The following EHD4 variants were observed in gnomAD, a reference collection of about 807,000 sequenced individuals.
EHD4 encodes the protein EH domain-containing protein 4.
A neutral mutation model predicts 51.0 loss-of-function variants in EHD4; 37 were observed. The ratio of observed to expected loss-of-function variants is 0.73; its 90% CI spans 0.56 to 0.95. The LOEUF (loss-of-function observed/expected upper bound fraction) is 0.95, where lower values mean the gene tolerates loss of function less well. Ranked by LOEUF, EHD4 falls within the 40% of genes least tolerant of loss-of-function variation. EHD4 has a pLI of 0.00. For synonymous variants in EHD4, 297 were observed against 317.3 expected, an observed-to-expected ratio of 0.94 and a Z score of 0.68; for missense variants, 632 against 733.1, an observed-to-expected ratio of 0.86 and a Z score of 1.59.
At chr15:41,915,086 A>G (rs1380136125) in intron 4 of EHD4, among the ~76,000 whole-genome samples, 3 of 55,990 alleles carry the variant, frequency 5.4e-5, no homozygotes, top group African/African-American at 7.3e-5. Flanking sequence ...AGTCTTGGAG[A>G]CACACACACA....
chr15:41,970,599 G>A (rs1439224229), intron 1 of EHD4, among the ~76,000 whole-genome samples: 1 of 152,210 alleles, frequency 6.6e-6, no homozygotes, highest in East Asian at 1.9e-4. Context: ...TAATCAGGCT[G>A]GCTAGCTATC....
At chr15:41,901,489 C>A (rs1282373016) in intron 5 of EHD4, among the ~76,000 whole-genome samples, 1 of 152,186 alleles carries the variant, frequency 6.6e-6, no homozygotes, top group Non-Finnish European at 1.5e-5. Context: ...AGTTAGTATT[C>A]TATTTCTCAA....
In EHD4 at chr15:41,900,732, G is replaced by A; in HGVS notation, c.1539C>T (p.Ile513=). ...TGGGCAGCTCGTAGCCGTCGAGCTT[G>A]ATCTTGATGAGGTGCTTGGCCAGCG... ...EFALAKHLIK[I]KLDGYELPSS... is the part of the protein sequence containing the mutation. Residue 513 remains isoleucine (I), a synonymous_variant, in exon 6 of 6, where the codon ATC becomes ATT. Coordinates refer to ENST00000220325, the MANE Select transcript of EHD4 (RefSeq NM_139265.4). This position sits in a 1 kb window ranked among gnomAD's most constrained non-coding sequence, Gnocchi z 4.8. 6.2e-7 allele frequency: 1 copy of A among 1,613,006 alleles called. No individual in the cohort carries two copies. The highest frequency in any genetic ancestry group is 1.6e-4 in the Middle Eastern group (1 of 6,062).
At chr15:41,911,949 A>AG (rs1474459460) in intron 4 of EHD4, among the ~76,000 whole-genome samples, 2 of 152,044 alleles carry the variant, frequency 1.3e-5, no homozygotes, top group East Asian at 3.9e-4. Flanking sequence ...CCACCCCCCG[A>AG]GGTTGGGCAC....
chr15:41,944,964 T>C (rs1455280525), intron 2 of EHD4, among the ~76,000 whole-genome samples: 1 of 152,132 alleles, frequency 6.6e-6, no homozygotes, highest in Non-Finnish European at 1.5e-5. Flanking sequence ...ATAAAGCACA[T>C]GAGGCTCACC....
At chr15:41,927,106 T>TA (rs1346489583) in intron 3 of EHD4, among the ~76,000 whole-genome samples, 2 of 152,214 alleles carry the variant, frequency 1.3e-5, no homozygotes, top group African/African-American at 4.8e-5. Context: ...TCATAGCACT[T>TA]ATACTCTGAA....
At chr15:41,943,021 G>T (rs369536115) in intron 3 of EHD4, 46 bp downstream of exon 3, 314 of 1,448,596 alleles carry the variant, frequency 2.2e-4, no homozygotes, top group Non-Finnish European at 2.8e-4. Context: ...CAGCAGAGAG[G>T]GCCTCAGCCA....
chr15:41,945,506 T>C (rs2067805822), intron 2 of EHD4, among the ~76,000 whole-genome samples: 1 of 151,880 alleles, frequency 6.6e-6, no homozygotes, highest in African/African-American at 2.4e-5. Context: ...GAGCAGCAGG[T>C]GGAGGCGGAG....
At chr15:41,903,010 G>A (rs2067488077) in intron 5 of EHD4, among the ~76,000 whole-genome samples, 1 of 151,560 alleles carries the variant, frequency 6.6e-6, no homozygotes, top group African/African-American at 2.4e-5. Flanking sequence ...AACTTTCTGT[G>A]GCTCTGAACT....
chr15:41,937,117 A>T (rs1360714816), intron 3 of EHD4, among the ~76,000 whole-genome samples: 1 of 152,180 alleles, frequency 6.6e-6, no homozygotes, highest in African/African-American at 2.4e-5. Context: ...CTGTGGCTGC[A>T]TGTTCTATTC....
chr15:41,972,166 CCGGGAGGGGCAGCGG>C (rs1404976064), intron 1 of EHD4, 78 bp downstream of exon 1: 4 of 1,225,200 alleles, frequency 3.3e-6, no homozygotes, highest in Non-Finnish European at 4.1e-6. Flanking sequence ...GTCGCGCCGG[CCGGGAGGGGCAGCGG>C]CGGGAGGCGG....
chr15:41,924,054 C>T (rs2140990683), intron 3 of EHD4, among the ~76,000 whole-genome samples: 1 of 152,258 alleles, frequency 6.6e-6, no homozygotes, highest in African/African-American at 2.4e-5. Flanking sequence ...TGAGTGATTA[C>T]CTGAGAAAAT....
intron 2 of EHD4, among the ~76,000 whole-genome samples, chr15:41,944,271 G>A (rs1198178952): frequency 6.6e-6 from 1 of 152,226 alleles, no homozygotes; most frequent in African/African-American, 2.4e-5. Context: ...GTGATGGCAG[G>A]AAGTGCTTTG....
At chr15:41,952,989 T>TC (rs1419911806) in intron 2 of EHD4, among the ~76,000 whole-genome samples, 13 of 51,040 alleles carry the variant, frequency 2.5e-4, no homozygotes, top group Middle Eastern at 0.016. Context: ...GACTCTATCT[T>TC]CCCCCCCGCA....
intron 1 of EHD4, among the ~76,000 whole-genome samples, chr15:41,971,207 A>G (rs1010443888): frequency 6.6e-6 from 1 of 152,216 alleles, no homozygotes; most frequent in African/African-American, 2.4e-5. Flanking sequence ...TCGCTACTTA[A>G]CAGAAATGGC....
At position 41,964,500 on chromosome 15, in the gene EHD4, A is replaced by G. The variant is rs566547503; in HGVS notation, c.236+7759T>C. Reference sequence around the variant, plus strand: ...ATGTACCTGTAGTCCCAGCTACTCCAGAGGCTGAGGTGGGAGGATTGCTTG... The same window carrying G: ...ATGTACCTGTAGTCCCAGCTACTCCGGAGGCTGAGGTGGGAGGATTGCTTG... On this transcript the variant is annotated intron_variant, in intron 1 of 5. Transcript: ENST00000220325. Among the ~76,000 whole-genome samples the G allele has an allele frequency of 2.0e-5, 3 of 152,056 alleles. No individual in the cohort carries two copies. The South Asian group carries it at 6.2e-4, about 32-fold the overall frequency.
chr15:41,952,555 C>G (rs1413083622), intron 2 of EHD4, among the ~76,000 whole-genome samples: 1 of 152,128 alleles, frequency 6.6e-6, no homozygotes, highest in Non-Finnish European at 1.5e-5. Flanking sequence ...GCCAGGGGTA[C>G]CAGCTGGCCT....
In EHD4 at chr15:41,943,101, G is replaced by A. The variant is rs1335157085; in HGVS notation, c.477C>T (p.Gly159=). 7 of 1,589,446 alleles carry A rather than the reference G, an allele frequency of 4.4e-6. No individual in the cohort carries two copies. The highest frequency in any genetic ancestry group is 1.8e-5 in the Admixed American group (1 of 55,944). ...TGCGCTGCTTCTCCCCAGAAAGGAT[G>A]CCGGGGCTGTCGATGACGCTGATGC... ...LKSISVIDSP[G]ILSGEKQRIS... The change falls in exon 3 of 6, where the codon GGC becomes GGT. Residue 159 remains glycine, a synonymous_variant. Transcript: ENST00000220325.
At chr15:41,971,622 G>C (rs904386425) in intron 1 of EHD4, among the ~76,000 whole-genome samples, 2 of 152,228 alleles carry the variant, frequency 1.3e-5, no homozygotes, top group African/African-American at 4.8e-5. Flanking sequence ...CTAACAAATA[G>C]TAATATGACA....
Sources: allele counts gnomAD v4.1 joint callset (sites outside exome capture counted in the v4.1 genomes callset), GRCh38; gene constraint gnomAD v4.1.1; non-coding constraint Gnocchi (gnomAD v3.1); transcripts MANE v1.5; gene names NCBI Gene and HGNC (gene_info 2026-07-23, HGNC 2026-07-21).